The following IFT172 variants were observed in gnomAD, a reference collection of about 807,000 sequenced individuals.
IFT172 encodes the protein intraflagellar transport protein 172 homolog.
Under a neutral mutation model 248.9 loss-of-function variants are expected in IFT172, and 164 were observed. The observed-to-expected ratio is 0.66, with a 90% CI of 0.58 to 0.75. IFT172 has a LOEUF of 0.75. Ranked by LOEUF, IFT172 falls within the 30% of genes least tolerant of loss-of-function variation. The pLI is 0.00. For synonymous variants in IFT172, 729 were observed against 791.6 expected (o/e 0.92, Z 1.33); for missense variants, 1,950 against 2,192.4 (o/e 0.89, Z 2.21).
In IFT172 at chr2:27,461,355, C is replaced by A; in HGVS notation, c.2356G>T (p.Val786Leu). The A allele has an allele frequency of 6.2e-7, 1 of 1,614,158 alleles. No homozygotes were observed. The highest frequency in any genetic ancestry group is 8.5e-7 in the Non-Finnish European group (1 of 1,180,020). ...GCTAGCAGTTCCTCTCGGGTCAGCA[C>A]CAGCCGAGCAGCTTTGGCAGGGAGC... The part of the protein sequence containing the change: ...AGLPAKAARL[V>L]LTREELLANT... The change falls in exon 22 of 48, where the codon GTG (valine) becomes TTG (leucine). Residue 786 changes from valine (V) to leucine (L), a missense_variant. Around this residue, in one of 3 missense-constraint regions of IFT172, gnomAD observed 1,166 missense variants for 1,254.1 expected, o/e 0.93. Transcript: ENST00000260570.
In IFT172 at chr2:27,448,975, C is replaced by T; in HGVS notation, c.4368G>A (p.Glu1456=). The change falls in exon 40 of 48, where the codon GAG becomes GAA. Residue 1456 remains glutamate, a synonymous_variant. Transcript: ENST00000260570. The part of the protein sequence containing the change: ...VALYATHLIR[E]GSSAQALALY... The stretch of plus-strand genomic sequence containing the variant: ...GGGCCAATGCCTGGGCAGAGCTACC[C>T]TCCCGGATCAAGTGAGTTGCATACA... 1 of 1,612,894 alleles carries T rather than the reference C, an allele frequency of 6.2e-7. No individual in the cohort carries two copies. Among genetic ancestry groups the T allele is most frequent in the Non-Finnish European group, 8.5e-7 (1 of 1,178,842 alleles).
chr2:27,479,662 A>G (rs1027137620), intron 9 of IFT172, 58 bp from the exon 10 acceptor site: 6 of 1,071,234 alleles, frequency 5.6e-6, no homozygotes, highest in Non-Finnish European at 5.8e-6. Flanking sequence ...GCATGGGGAG[A>G]GTATCTAGAG....
At chr2:27,463,894 A>C (rs890059318) in intron 18 of IFT172, among the ~76,000 whole-genome samples, 3 of 152,192 alleles carry the variant, frequency 2.0e-5, no homozygotes, top group African/African-American at 7.2e-5. Flanking sequence ...TGGCATGAGA[A>C]GGAAGCAGAG....
In IFT172 at chr2:27,480,071, G is replaced by A; in HGVS notation, c.864C>T (p.Thr288=). ...CCCGCTTCCAGGCCAAGGCAGTGAT[G>A]GTGTATAAATTGGTAATCTCCTTGG... ...AKPKEITNLY[T]ITALAWKRDG... is the part of the protein sequence containing the mutation. Residue 288 remains threonine, a synonymous_variant, in exon 9 of 48, where the codon ACC becomes ACT. Coordinates refer to ENST00000260570, the MANE Select transcript of IFT172 (RefSeq NM_015662.3). 4 of 1,613,914 alleles carry A rather than the reference G, an allele frequency of 2.5e-6. No homozygotes were observed. Among genetic ancestry groups the A allele is most frequent in the Non-Finnish European group, 3.4e-6 (4 of 1,179,888 alleles).
At chr2:27,463,323 A>T (rs371365763) in intron 18 of IFT172, 142 bp from the exon 19 acceptor site, 2 of 649,738 alleles carry the variant, frequency 3.1e-6, no homozygotes, top group African/African-American at 3.7e-5. Flanking sequence ...AGACCAAGGA[A>T]GATGAGGGCC....
rs763540929 is a variant in IFT172 at position 27,479,934 on chromosome 2, T to C, written c.909+92A>G. 5.5e-6 allele frequency: 8 copies of C among 1,458,502 alleles called. No homozygotes were observed. The African/African-American group carries it at 5.7e-5, about 10-fold the overall frequency. 90.3% of individuals were successfully genotyped at this position (1,458,502 alleles called of 1,614,324 possible). The stretch of plus-strand genomic sequence containing the variant: ...GGTCAAAAGGAAAGAGGAGATTCTA[T>C]AGTGTCAGGGAACAGTGCTTTAGGA... On this transcript the variant is annotated intron_variant, in intron 9 of 47. Transcript: ENST00000260570.
intron 25 of IFT172, chr2:27,459,122 C>G: frequency 1.6e-6 from 1 of 619,218 alleles, no homozygotes; most frequent in East Asian, 2.8e-5. Context: ...ACTATGTTAG[C>G]ATTATTCATG....
chr2:27,488,980 T>G (rs1668966425), intron 1 of IFT172, among the ~76,000 whole-genome samples: 1 of 152,244 alleles, frequency 6.6e-6, no homozygotes, highest in African/African-American at 2.4e-5. Flanking sequence ...AGGCGGAGGT[T>G]GCAGTGAGAT....
chr2:27,464,685 C>T (rs1464809624), intron 18 of IFT172, among the ~76,000 whole-genome samples: 1 of 151,296 alleles, frequency 6.6e-6, no homozygotes, highest in Admixed American at 6.6e-5. Context: ...GTTGCATGAT[C>T]TCAGCTCACC....
chr2:27,447,565 T>G lies in IFT172; in HGVS notation c.4609A>C (p.Ile1537Leu). 6 of 1,614,140 alleles carry G rather than the reference T, an allele frequency of 3.7e-6. No individual in the cohort carries two copies. The highest frequency in any genetic ancestry group is 5.1e-6 in the Non-Finnish European group (6 of 1,180,010). ...GAGCGCGTGGCATAGTAATGAGCGA[T>G]CAGCAGCATCGTCTTGAACTCCTCA... ...AHEEFKTMLL[I>L]AHYYATRSAA... Residue 1537 changes from isoleucine (I) to leucine (L), a missense_variant, in exon 42 of 48, where the codon ATC (isoleucine) becomes CTC (leucine). Ile to Leu is a conservative substitution (Grantham distance 5). Coordinates refer to ENST00000260570, the MANE Select transcript of IFT172 (RefSeq NM_015662.3).
At position 27,449,489 on chromosome 2, in the gene IFT172, C is replaced by T. The variant is rs1665457279; in HGVS notation, c.4224+10G>A. The stretch of plus-strand genomic sequence containing the variant: ...TGCATTCTGCCTCCTGCTAACTCTC[C>T]AAGTCTCACCGAGTCCACTTTGCCC... On this transcript the variant is annotated intron_variant, in intron 38 of 47. Coordinates refer to ENST00000260570, the MANE Select transcript of IFT172 (RefSeq NM_015662.3). 2.5e-6 allele frequency: 4 copies of T among 1,614,036 alleles called. No homozygotes were observed. In the South Asian group the frequency reaches 4.4e-5, roughly 18 times the overall value.
chr2:27,461,938 C>CA lies in IFT172; in HGVS notation c.2116-103dup, dbSNP rs1666711707. 18 of 1,239,310 alleles carry CA rather than the reference C, an allele frequency of 1.5e-5. No individual in the cohort carries two copies. The Middle Eastern group carries it at 1.5e-3, about 101-fold the overall frequency. The allele number at this position is 1,239,310 out of a possible 1,614,324, so 76.8% of individuals were successfully genotyped here. On this transcript the variant is annotated intron_variant, in intron 20 of 47. Transcript: ENST00000260570. ...GGCTAAGATGCCAGCCCATGAGGACCAAAAGCCTTTTAACTACTATACCAA... is the reference window on the plus strand; with the variant it reads ...GGCTAAGATGCCAGCCCATGAGGACCAAAAAGCCTTTTAACTACTATACCAA...
chr2:27,446,305 T>C lies in IFT172; in HGVS notation c.4710A>G (p.Leu1570=). The C allele has an allele frequency of 1.9e-6, 3 of 1,614,244 alleles. No homozygotes were observed. The highest frequency in any genetic ancestry group is 1.7e-6 in the Non-Finnish European group (2 of 1,180,046). The change falls in exon 43 of 48, where the codon CTA becomes CTG. Residue 1570 remains leucine (L), a synonymous_variant. Coordinates refer to ENST00000260570, the MANE Select transcript of IFT172 (RefSeq NM_015662.3). ...LSVSLLRHTQ[L]LPVDKAFYEA... Reference sequence around the variant, plus strand: ...CATAGAAGGCTTTGTCTACAGGTAGTAGCTGGGTGTGACGCAAGAGTGAAA... The same window carrying C: ...CATAGAAGGCTTTGTCTACAGGTAGCAGCTGGGTGTGACGCAAGAGTGAAA...
chr2:27,454,256 T>C lies in IFT172; in HGVS notation c.3531-94A>G. 6.2e-7 allele frequency: 1 copy of C among 1,602,144 alleles called. No homozygotes were observed. Among genetic ancestry groups the C allele is most frequent in the Non-Finnish European group, 8.6e-7 (1 of 1,169,442 alleles). Reference sequence around the variant, plus strand: ...GCCATGTCACTGAGGGGTGTAACACTGATTTGTTCTAGGTTTGAATGAAGG... The same window carrying C: ...GCCATGTCACTGAGGGGTGTAACACCGATTTGTTCTAGGTTTGAATGAAGG... On this transcript the variant is annotated intron_variant, in intron 32 of 47. Coordinates refer to ENST00000260570, the MANE Select transcript of IFT172 (RefSeq NM_015662.3). The surrounding 1 kb of genome is among the most constrained non-coding windows in gnomAD (Gnocchi z 4.2).
At chr2:27,468,362 A>C (rs1436154606) in intron 16 of IFT172, among the ~76,000 whole-genome samples, 1 of 151,464 alleles carries the variant, frequency 6.6e-6, no homozygotes, top group Non-Finnish European at 1.5e-5. Context: ...CCTCTCGAGA[A>C]GGTAGGATTA....
intron 16 of IFT172, among the ~76,000 whole-genome samples, chr2:27,467,923 G>A (rs1465612563): frequency 6.6e-6 from 1 of 151,976 alleles, no homozygotes; most frequent in Non-Finnish European, 1.5e-5. Context: ...CACTATGGGA[G>A]GCTGAGGCTG....
intron 2 of IFT172, 44 bp downstream of exon 2, chr2:27,485,316 C>A: frequency 6.2e-7 from 1 of 1,611,080 alleles, no homozygotes; most frequent in Non-Finnish European, 8.5e-7. Flanking sequence ...GTTGTGAGAC[C>A]CCATCAATAG....
At chr2:27,450,951 G>GTT (rs60390986) in intron 35 of IFT172, among the ~76,000 whole-genome samples, 45 of 143,250 alleles carry the variant, frequency 3.1e-4, no homozygotes, top group Admixed American at 4.8e-4. Flanking sequence ...ATTTTTACCT[G>GTT]TTTTTTTTTT....
chr2:27,457,148 CCA>C (rs1279490158), intron 29 of IFT172, among the ~76,000 whole-genome samples: 1 of 152,166 alleles, frequency 6.6e-6, no homozygotes, highest in Non-Finnish European at 1.5e-5. Flanking sequence ...TTCACCTGGT[CCA>C]CAGACCCTTA....
Sources: gnomAD v4.1 joint callset for allele counts (sites outside exome capture counted in the v4.1 genomes callset) on GRCh38, gnomAD v4.1.1 for gene constraint, gnomAD v4.1.1 regional missense constraint, Gnocchi (gnomAD v3.1) non-coding constraint, MANE v1.5 for transcripts, NCBI Gene and HGNC (gene_info 2026-07-23, HGNC 2026-07-21) for gene names.